Variants in B9D1 observed in about 807,000 individuals in gnomAD.
B9D1 encodes B9 domain-containing protein 1.
B9D1 carries 20 observed loss-of-function variants against 26.1 expected under a neutral mutation model. The ratio of observed to expected loss-of-function variants is 0.77; its 90% CI spans 0.54 to 1.12. The LOEUF is 1.12. Ranked by LOEUF, B9D1 falls within the 50% of genes most tolerant of loss-of-function variation. The pLI is 0.00. For synonymous variants in B9D1, 105 were observed against 103.1 expected (o/e 1.02, Z -0.11); for missense variants, 260 against 273.7 (o/e 0.95, Z 0.35).
At chr17:19,369,441 CTATTT>C (rs778913602) in intron 1 of B9D1, among the ~76,000 whole-genome samples, 6 of 152,152 alleles carry the variant, frequency 3.9e-5, no homozygotes, top group Non-Finnish European at 7.4e-5. Flanking sequence ...CAGGGCTTTA[CTATTT>C]TATATTTTAT....
At chr17:19,364,909 C>G (rs1254592707), upstream of B9D1, among the ~76,000 whole-genome samples, 1 of 152,236 alleles carries the variant, frequency 6.6e-6, no homozygotes, top group South Asian at 2.1e-4. The surrounding 1 kb of genome is among the most constrained non-coding windows in gnomAD (Gnocchi z 4.3). Context: ...GAGCAGGTGT[C>G]AGCGCCAGCC....
intron 3 of B9D1, among the ~76,000 whole-genome samples, chr17:19,354,925 G>A (rs1487210905): frequency 6.6e-6 from 1 of 152,222 alleles, no homozygotes; most frequent in Non-Finnish European, 1.5e-5. Flanking sequence ...TATCCTGCTT[G>A]AGTTTTGTCT....
At chr17:19,374,214 G>A (rs1031590186) in intron 1 of B9D1, among the ~76,000 whole-genome samples, 21 of 152,150 alleles carry the variant, frequency 1.4e-4, no homozygotes, top group African/African-American at 5.1e-4. Context: ...TCTGACCCTC[G>A]GCCTGTGCTG....
At chr17:19,356,892 C>T (rs1184648191) in intron 3 of B9D1, among the ~76,000 whole-genome samples, 4 of 152,196 alleles carry the variant, frequency 2.6e-5, no homozygotes, top group Admixed American at 2.6e-4. Flanking sequence ...ACCTACAGTA[C>T]CTATTGCACT....
At chr17:19,376,027 A>C (rs1912082524) in intron 1 of B9D1, among the ~76,000 whole-genome samples, 1 of 152,256 alleles carries the variant, frequency 6.6e-6, no homozygotes, top group African/African-American at 2.4e-5. Context: ...TGGTATATCT[A>C]AACAATGCAA....
At chr17:19,356,566 G>A (rs1910386299) in intron 3 of B9D1, among the ~76,000 whole-genome samples, 1 of 152,152 alleles carries the variant, frequency 6.6e-6, no homozygotes, top group Non-Finnish European at 1.5e-5. Flanking sequence ...AACCCAGTTG[G>A]TGAGATTTAC....
At position 19,372,056 on chromosome 17, in the gene B9D1, G is replaced by T. The variant is rs1911920870; in HGVS notation, c.-298+5803C>A. On this transcript the variant is annotated intron_variant, in intron 1 of 5. Coordinates refer to the B9D1 transcript ENST00000477478. This position sits in a 1 kb window ranked among gnomAD's most constrained non-coding sequence, Gnocchi z 4.4. ...GAGCCCATTTTGTCACCTGTAACCA[G>T]GGACAATGATGCATCACCCGAGTCC... 6.6e-6 allele frequency: 1 copy of T among 152,258 alleles called. No individual in the cohort carries two copies. The highest frequency in any genetic ancestry group is 1.5e-5 in the Non-Finnish European group (1 of 68,080). 9.4% of individuals were successfully genotyped at this position (152,258 alleles called of 1,614,324 possible).
downstream of B9D1, among the ~76,000 whole-genome samples, chr17:19,342,451 G>A (rs545037412): frequency 6.6e-6 from 1 of 152,266 alleles, no homozygotes; most frequent in Admixed American, 6.5e-5. Context: ...TCCCGCTGAG[G>A]GCAGTATCTA....
chr17:19,337,766 G>T, downstream of B9D1: 1 of 1,522,388 alleles, frequency 6.6e-7, no homozygotes, highest in Non-Finnish European at 8.8e-7. Flanking sequence ...GGGAAAAATG[G>T]ACAAGGGTCA....
At chr17:19,358,975 C>T (rs1011942121) in intron 2 of B9D1, among the ~76,000 whole-genome samples, 8 of 152,154 alleles carry the variant, frequency 5.3e-5, no homozygotes, top group African/African-American at 1.7e-4. Flanking sequence ...GGCTAAAAGC[C>T]CTGCTGTGAA....
At chr17:19,350,474 CAG>C (rs1909453382) in intron 3 of B9D1, among the ~76,000 whole-genome samples, 1 of 151,934 alleles carries the variant, frequency 6.6e-6, no homozygotes, top group Non-Finnish European at 1.5e-5. Context: ...ACCCAGGAGG[CAG>C]AGGTTGCAGT....
downstream of B9D1, chr17:19,341,005 A>G (rs1276785076): frequency 2.5e-5 from 13 of 514,458 alleles, no homozygotes; most frequent in Non-Finnish European, 3.1e-5. Flanking sequence ...TGAATATACA[A>G]GTACGGAACA....
chr17:19,356,805 A>C (rs1288004627), intron 3 of B9D1, among the ~76,000 whole-genome samples: 1 of 152,094 alleles, frequency 6.6e-6, no homozygotes, highest in Non-Finnish European at 1.5e-5. Flanking sequence ...CCTCTGAGGT[A>C]GTTGCTTTTT....
intron 5 of B9D1, among the ~76,000 whole-genome samples, chr17:19,344,274 G>A (rs1908412335): frequency 6.6e-6 from 1 of 152,194 alleles, no homozygotes; most frequent in South Asian, 2.1e-4. Context: ...CAGCCTCCCT[G>A]GAAGGGGGTC....
intron 1 of B9D1, among the ~76,000 whole-genome samples, chr17:19,369,858 C>A (rs958613091): frequency 6.6e-6 from 1 of 152,154 alleles, no homozygotes. Flanking sequence ...ATTCCGCCCA[C>A]CCCATGGCCA....
intron 1 of B9D1, among the ~76,000 whole-genome samples, chr17:19,377,340 T>C (rs895116172): frequency 1.3e-5 from 2 of 152,188 alleles, no homozygotes; most frequent in African/African-American, 2.4e-5. Flanking sequence ...CAAAAAACAC[T>C]GAATTGTACA....
chr17:19,345,294 CAG>C (rs1908616842), intron 5 of B9D1, among the ~76,000 whole-genome samples: 1 of 152,188 alleles, frequency 6.6e-6, no homozygotes, highest in African/African-American at 2.4e-5. Context: ...TTCATTCTGA[CAG>C]AGACAGGTTC....
At chr17:19,337,136 G>A (rs1907515924), downstream of B9D1, among the ~76,000 whole-genome samples, 1 of 152,230 alleles carries the variant, frequency 6.6e-6, no homozygotes. Flanking sequence ...GCCACTGCCT[G>A]TCAGCTGAGG....
At position 19,362,632 on chromosome 17, in the gene B9D1, C is replaced by T; in HGVS notation, c.-63G>A. On this transcript the variant is annotated 5_prime_UTR_variant, in exon 1 of 7. Transcript: ENST00000261499. ...GCGCGCGGTTGCTAAGAGACGCCGGCGTTGCCCTAGAAACAGACGGCGTAG... is the reference window on the plus strand; with the variant it reads ...GCGCGCGGTTGCTAAGAGACGCCGGTGTTGCCCTAGAAACAGACGGCGTAG... The T allele has an allele frequency of 1.9e-6, 3 of 1,562,328 alleles. No homozygotes were observed. Among genetic ancestry groups the T allele is most frequent in the East Asian group, 2.3e-5 (1 of 42,832 alleles).
Sources: gnomAD v4.1 joint callset for allele counts (sites outside exome capture counted in the v4.1 genomes callset) on GRCh38, gnomAD v4.1.1 for gene constraint, Gnocchi (gnomAD v3.1) non-coding constraint, MANE v1.5 for transcripts, NCBI Gene and HGNC (gene_info 2026-07-23, HGNC 2026-07-21) for gene names.